Variants in PTH2R observed in about 807,000 individuals in gnomAD.
PTH2R encodes the protein PTH2 receptor.
Under a neutral mutation model 60.3 loss-of-function variants are expected in PTH2R, and 59 were observed. The observed-to-expected ratio is 0.98, with a 90% confidence interval of 0.79 to 1.22. The LOEUF is 1.22. Ranked by LOEUF, PTH2R falls within the 50% of genes most tolerant of loss-of-function variation. The pLI is 0.00. For missense variants in PTH2R, 749 were observed against 682.6 expected, an observed-to-expected ratio of 1.10 and a Z score of -1.08; for synonymous variants, 256 against 243.8, an observed-to-expected ratio of 1.05 and a Z score of -0.47.
At chr2:208,424,571 C>T (rs536002056) in intron 1 of PTH2R, among the ~76,000 whole-genome samples, 1 of 152,294 alleles carries the variant, frequency 6.6e-6, no homozygotes, top group East Asian at 1.9e-4. Flanking sequence ...CATCACTGAT[C>T]GACTCTCCTG....
rs188249719 is a variant in PTH2R, at chr2:208,491,306, T to C, written c.1257+626T>C. Among the ~76,000 whole-genome samples the C allele has an allele frequency of 2.6e-4, 39 of 152,348 alleles. No homozygotes were observed. The East Asian group carries it at 6.7e-3, about 26-fold the overall frequency. On this transcript the variant is annotated intron_variant, in intron 12 of 12. Coordinates refer to ENST00000272847, the MANE Select transcript of PTH2R (RefSeq NM_005048.4). Reference sequence around the variant, plus strand: ...TTAGGGTTTGGACATTGTGGCATGCTAGTCCAGTGCTTGCAGAAAGAGCTT... The same window carrying C: ...TTAGGGTTTGGACATTGTGGCATGCCAGTCCAGTGCTTGCAGAAAGAGCTT...
intron 1 of PTH2R, among the ~76,000 whole-genome samples, chr2:208,375,327 G>GAAC (rs1156375682): frequency 6.6e-6 from 1 of 152,030 alleles, no homozygotes; most frequent in African/African-American, 2.4e-5. Context: ...CTTGAGAAGG[G>GAAC]AACAGGCTGT....
chr2:208,450,961 C>A, intron 8 of PTH2R, 152 bp downstream of exon 8: 1 of 825,354 alleles, frequency 1.2e-6, no homozygotes. Flanking sequence ...TAGCTTCCAA[C>A]ACATTACCAG....
intron 8 of PTH2R, among the ~76,000 whole-genome samples, chr2:208,453,428 C>T (rs553224467): frequency 6.6e-6 from 1 of 152,294 alleles, no homozygotes; most frequent in Admixed American, 6.5e-5. Context: ...TTATCAAATT[C>T]CTGCAGCATT....
At chr2:208,414,490 A>G (rs1166494275) in intron 1 of PTH2R, among the ~76,000 whole-genome samples, 1 of 151,982 alleles carries the variant, frequency 6.6e-6, no homozygotes, top group Non-Finnish European at 1.5e-5. Flanking sequence ...AGCAATAACC[A>G]TTGTACTATT....
chr2:208,444,739 G>T lies in PTH2R; in HGVS notation c.705G>T (p.Gly235=), dbSNP rs772449974. Residue 235 remains glycine (G), a synonymous_variant, in exon 7 of 13, where the codon GGG becomes GGT. Transcript: ENST00000272847. ...TTCTGGTTTATTTGTAATAGATCGG[G>T]TGCAAGATTGCTGTTGTGATGTTTA... ...ATSVDKSQYI[G]CKIAVVMFIY... is the part of the protein sequence containing the mutation. 7.4e-6 allele frequency: 12 copies of T among 1,612,960 alleles called. No individual in the cohort carries two copies. In the Admixed American group the frequency reaches 2.0e-4, roughly 27 times the overall value.
chr2:208,493,728 C>G lies in PTH2R; in HGVS notation c.*69C>G. On this transcript the variant is annotated 3_prime_UTR_variant, in exon 13 of 13. Transcript: ENST00000272847. ...GTTGTGTGAGAGGGCTTGGCTGATA[C>G]TCCTATGCTTGAGTTCAAAGGCTGA... 1 of 1,458,052 alleles carries G rather than the reference C, an allele frequency of 6.9e-7. No individual in the cohort carries two copies. The allele number at this position is 1,458,052 out of a possible 1,614,324, so 90.3% of individuals were successfully genotyped here.
In PTH2R at chr2:208,493,392, G is replaced by A. The variant is rs1216389384; in HGVS notation, c.1386G>A (p.Gln462=). The change falls in exon 13 of 13, where the codon CAG becomes CAA. Residue 462 remains glutamine, a synonymous_variant. Transcript: ENST00000272847. ...LTTVTHSTSS[Q]SQVAASTRMV... Reference sequence around the variant, plus strand: ...CCGTGACGCACAGCACCAGCAGCCAGTCACAGGTGGCGGCCAGCACACGCA... The same window carrying A: ...CCGTGACGCACAGCACCAGCAGCCAATCACAGGTGGCGGCCAGCACACGCA... 1 of 1,610,218 alleles carries A rather than the reference G, an allele frequency of 6.2e-7. No individual in the cohort carries two copies. Among genetic ancestry groups the A allele is most frequent in the Non-Finnish European group, 8.5e-7 (1 of 1,177,384 alleles).
At chr2:208,458,054 C>G (rs955621820) in intron 8 of PTH2R, among the ~76,000 whole-genome samples, 3 of 152,112 alleles carry the variant, frequency 2.0e-5, no homozygotes, top group African/African-American at 7.2e-5. Context: ...TCTTTTGTTT[C>G]AAGTGTTATA....
intron 1 of PTH2R, among the ~76,000 whole-genome samples, chr2:208,398,652 G>C (rs1701253817): frequency 6.6e-6 from 1 of 152,162 alleles, no homozygotes; most frequent in African/African-American, 2.4e-5. Context: ...AATGTAATTA[G>C]ATCAATTCCC....
intron 1 of PTH2R, among the ~76,000 whole-genome samples, chr2:208,399,499 T>A (rs927016437): frequency 6.6e-6 from 1 of 152,020 alleles, no homozygotes; most frequent in Non-Finnish European, 1.5e-5. Context: ...TGTGGCAGGG[T>A]TATGGTGGGG....
At chr2:208,374,362 C>T (rs779497319) in intron 1 of PTH2R, among the ~76,000 whole-genome samples, 2 of 152,078 alleles carry the variant, frequency 1.3e-5, no homozygotes, top group Non-Finnish European at 2.9e-5. Context: ...TTCACTGCTA[C>T]CTCACATTAA....
chr2:208,389,507 T>A (rs939155087), intron 1 of PTH2R, among the ~76,000 whole-genome samples: 1 of 152,172 alleles, frequency 6.6e-6, no homozygotes, highest in South Asian at 2.1e-4. Context: ...ATTAAATGAA[T>A]CTTTTAATTT....
rs1216206084 is a variant in PTH2R, at chr2:208,493,911, T to C, written c.*252T>C. 1 of 302,174 alleles carries C rather than the reference T, an allele frequency of 3.3e-6. No homozygotes were observed. The highest frequency in any genetic ancestry group is 6.6e-5 in the Admixed American group (1 of 15,216). 18.7% of individuals were successfully genotyped at this position (302,174 alleles called of 1,614,324 possible). On this transcript the variant is annotated 3_prime_UTR_variant, in exon 13 of 13. Coordinates refer to ENST00000272847, the MANE Select transcript of PTH2R (RefSeq NM_005048.4). ...AAATTAATGTATGGTATTTGCTCTG[T>C]GATTGTTCATTTTTTTCTGCTACTT...
chr2:208,427,492 C>T lies in PTH2R; in HGVS notation c.76-709C>T, dbSNP rs570160691. On this transcript the variant is annotated intron_variant, in intron 1 of 12. Coordinates refer to ENST00000272847, the MANE Select transcript of PTH2R (RefSeq NM_005048.4). ...TAGTTTTTGCTTATTCTCTCATTTT[C>T]TAAAAAAAAAATCGTTAAAGTAAAT... is the stretch of plus-strand genomic sequence containing the variant. Among the ~76,000 whole-genome samples the T allele has an allele frequency of 3.3e-5, 5 of 151,704 alleles. No homozygotes were observed. The East Asian group carries it at 9.7e-4, about 29-fold the overall frequency.
intron 9 of PTH2R, among the ~76,000 whole-genome samples, chr2:208,475,727 G>A (rs1702987061): frequency 1.3e-5 from 2 of 152,138 alleles, no homozygotes; most frequent in Non-Finnish European, 2.9e-5. Flanking sequence ...ATGGGGCAGT[G>A]GAGATTCTTT....
At chr2:208,452,509 G>A (rs747580064) in intron 8 of PTH2R, among the ~76,000 whole-genome samples, 12 of 151,930 alleles carry the variant, frequency 7.9e-5, no homozygotes, top group African/African-American at 1.5e-4. Context: ...TTTTTATCCC[G>A]TCAAGTTGAT....
At chr2:208,447,769 G>T (rs548643833) in intron 7 of PTH2R, among the ~76,000 whole-genome samples, 1 of 151,962 alleles carries the variant, frequency 6.6e-6, no homozygotes, top group South Asian at 2.1e-4. Flanking sequence ...GATGCATAGA[G>T]AATAAAGGTG....
intron 7 of PTH2R, 84 bp from the exon 8 acceptor site, chr2:208,450,665 A>G (rs1464222780): frequency 1.1e-5 from 14 of 1,329,424 alleles, no homozygotes; most frequent in Non-Finnish European, 1.5e-5. Flanking sequence ...AGCTAATAGT[A>G]TATTCTTATA....
Sources: allele counts gnomAD v4.1 joint callset (sites outside exome capture counted in the v4.1 genomes callset), GRCh38; gene constraint gnomAD v4.1.1; transcripts MANE v1.5; gene names NCBI Gene and HGNC (gene_info 2026-07-23, HGNC 2026-07-21).